C12orf42: variants seen among roughly 807,000 people sequenced by gnomAD.
The protein encoded by C12orf42 is uncharacterized protein C12orf42.
Under a neutral mutation model 21.6 loss-of-function variants are expected in C12orf42, and 25 were observed. That is an observed-to-expected ratio of 1.16 (90% CI 0.84 to 1.62). The LOEUF (loss-of-function observed/expected upper bound fraction) is 1.62, where lower values mean the gene tolerates loss of function less well. Ranked by LOEUF, C12orf42 falls within the 40% of genes most tolerant of loss-of-function variation. The pLI, the probability that C12orf42 is intolerant of heterozygous loss-of-function variation, is 0.00. For missense variants in C12orf42, 483 were observed against 459.3 expected (o/e 1.05, Z -0.47); for synonymous variants, 174 against 175.0 (o/e 0.99, Z 0.05).
At chr12:103,164,622 C>A in the C12orf42 span, 4 of 431,616 alleles carry the variant, frequency 9.3e-6, no homozygotes, top group Non-Finnish European at 1.9e-5. Context: ...TTTCCATATA[C>A]TTATACTAAT....
At chr12:103,308,289 AATT>A in intron 4 of C12orf42, among the ~76,000 whole-genome samples, 1 of 152,342 alleles carries the variant, frequency 6.6e-6, no homozygotes, top group Non-Finnish European at 1.5e-5. Flanking sequence ...AAAAGTATAT[AATT>A]TTGATTTTTA....
the C12orf42 span, among the ~76,000 whole-genome samples, chr12:103,133,081 G>A: frequency 1.3e-5 from 2 of 152,086 alleles, no homozygotes; most frequent in African/African-American, 4.8e-5. Context: ...GGGTGCCTGG[G>A]GACTGTTCAG....
intron 4 of C12orf42, among the ~76,000 whole-genome samples, chr12:103,346,770 C>T (rs572657250): frequency 6.6e-6 from 1 of 152,280 alleles, no homozygotes; most frequent in African/African-American, 2.4e-5. Flanking sequence ...GTGCTGTTGG[C>T]CCTGTGGATT....
At chr12:103,398,489 G>A (rs1020201180) in intron 3 of C12orf42, among the ~76,000 whole-genome samples, 1 of 151,970 alleles carries the variant, frequency 6.6e-6, no homozygotes, top group African/African-American at 2.4e-5. Flanking sequence ...TTGTTTTAAA[G>A]CTTGGTAAAG....
At chr12:103,505,409 A>G in the C12orf42 span, 1 of 350,506 alleles carries the variant, frequency 2.9e-6, no homozygotes, top group South Asian at 2.4e-5. Flanking sequence ...GTTGGGTTAC[A>G]TTGACTGGTA....
At chr12:103,056,350 G>A in the C12orf42 span, among the ~76,000 whole-genome samples, 1 of 152,068 alleles carries the variant, frequency 6.6e-6, no homozygotes, top group South Asian at 2.1e-4. Context: ...CCCTAGAGGT[G>A]CCATTTCTCT....
At chr12:103,507,478 C>A in the C12orf42 span, among the ~76,000 whole-genome samples, 1 of 139,928 alleles carries the variant, frequency 7.1e-6, no homozygotes, top group Non-Finnish European at 1.5e-5. Context: ...AAGACCAGCC[C>A]GGGTAACATA....
At chr12:103,488,721 G>A (rs191869724) in intron 1 of C12orf42, among the ~76,000 whole-genome samples, 64 of 151,990 alleles carry the variant, frequency 4.2e-4, no homozygotes, top group East Asian at 7.7e-4. Flanking sequence ...CTCTGATACC[G>A]TTTCTTCCGC....
chr12:103,099,184 T>A, the C12orf42 span, among the ~76,000 whole-genome samples: 1 of 152,188 alleles, frequency 6.6e-6, no homozygotes, highest in Non-Finnish European at 1.5e-5. Flanking sequence ...ACCTGGATAT[T>A]AAATGCTCCA....
chr12:103,533,863 G>A, the C12orf42 span, among the ~76,000 whole-genome samples: 5 of 152,186 alleles, frequency 3.3e-5, no homozygotes, highest in Non-Finnish European at 7.3e-5. Context: ...TTTGTGTGGA[G>A]TCACTGCCTA....
chr12:103,260,703 C>T (rs921634852), intron 10 of C12orf42, among the ~76,000 whole-genome samples: 8 of 152,116 alleles, frequency 5.3e-5, no homozygotes, highest in Non-Finnish European at 5.9e-5. Context: ...ATCTTCAGAG[C>T]GATGGCAAAA....
intron 1 of C12orf42, among the ~76,000 whole-genome samples, chr12:103,490,617 T>C (rs536073373): frequency 6.6e-5 from 10 of 152,162 alleles, no homozygotes; most frequent in African/African-American, 2.4e-4. Context: ...TTTCTAGAAT[T>C]TTTAGAACAA....
At chr12:103,291,088 G>T (rs1269575583) in intron 4 of C12orf42, among the ~76,000 whole-genome samples, 2 of 152,118 alleles carry the variant, frequency 1.3e-5, no homozygotes, top group Admixed American at 1.3e-4. Context: ...GGTTAGAGGT[G>T]GTTGGGTATA....
intron 10 of C12orf42, among the ~76,000 whole-genome samples, chr12:103,251,628 TA>T (rs1406709895): frequency 6.6e-6 from 1 of 152,182 alleles, no homozygotes; most frequent in East Asian, 1.9e-4. Flanking sequence ...ACACCCTTAT[TA>T]CCTCAACTAA....
intron 4 of C12orf42, among the ~76,000 whole-genome samples, chr12:103,330,112 C>G (rs1457111968): frequency 6.6e-6 from 1 of 151,978 alleles, no homozygotes; most frequent in Non-Finnish European, 1.5e-5. Context: ...GCAAATAACC[C>G]TCACATAATT....
At chr12:103,053,695 C>T in the C12orf42 span, among the ~76,000 whole-genome samples, 1 of 151,868 alleles carries the variant, frequency 6.6e-6, no homozygotes, top group South Asian at 2.1e-4. Context: ...AAGATTTTCT[C>T]CTACTTTTTT....
chr12:103,408,278 G>C lies in C12orf42; in HGVS notation c.79-6603C>G, dbSNP rs536895154. Reference sequence around the variant, plus strand: ...TTTTTAGGAATTTAACCATGCATGAGACACAAGAGACGGAGCAGCAGCCAG... The same window carrying C: ...TTTTTAGGAATTTAACCATGCATGACACACAAGAGACGGAGCAGCAGCCAG... On this transcript the variant is annotated intron_variant, in intron 2 of 5. Transcript: ENST00000548883. Among the ~76,000 whole-genome samples the C allele has an allele frequency of 7.5e-4, 114 of 152,292 alleles. 1 individual carries two copies. The highest frequency in any genetic ancestry group is 2.7e-3 in the African/African-American group (114 of 41,566).
chr12:103,090,066 G>A, the C12orf42 span, among the ~76,000 whole-genome samples: 4 of 152,200 alleles, frequency 2.6e-5, no homozygotes, highest in Non-Finnish European at 4.4e-5. Context: ...CAAGTCATCA[G>A]TGTAGATGAA....
At chr12:103,535,859 C>T in the C12orf42 span, among the ~76,000 whole-genome samples, 1 of 152,138 alleles carries the variant, frequency 6.6e-6, no homozygotes, top group African/African-American at 2.4e-5. Flanking sequence ...CTCACTGCAA[C>T]CTAGATTGCC....
Sources: gnomAD v4.1 joint callset for allele counts (sites outside exome capture counted in the v4.1 genomes callset) on GRCh38, gnomAD v4.1.1 for gene constraint, MANE v1.5 for transcripts, NCBI Gene and HGNC (gene_info 2026-07-23, HGNC 2026-07-21) for gene names.